The following SLCO1C1 variants were observed in gnomAD, a reference collection of about 807,000 sequenced individuals.
SLCO1C1 encodes OAT-RP-5.
Under a neutral mutation model 76.4 loss-of-function variants are expected in SLCO1C1, and 70 were observed. The ratio of observed to expected loss-of-function variants is 0.92; its 90% confidence interval spans 0.76 to 1.12. SLCO1C1 has a LOEUF of 1.12. SLCO1C1 is among the 50% of genes most tolerant of loss of function. SLCO1C1 has a pLI of 0.00. For synonymous variants in SLCO1C1, 306 were observed against 286.1 expected, an observed-to-expected ratio of 1.07 and a Z score of -0.70; for missense variants, 912 against 823.8, an observed-to-expected ratio of 1.11 and a Z score of -1.31.
At chr12:20,699,816 G>A (rs1946435108) in intron 2 of SLCO1C1, 111 bp downstream of exon 2, 3 of 1,073,032 alleles carry the variant, frequency 2.8e-6, no homozygotes, top group Non-Finnish European at 3.8e-6. Context: ...AAAAAAAAAA[G>A]ATCTTAGATG....
chr12:20,724,045 A>T (rs1947809506), intron 9 of SLCO1C1, among the ~76,000 whole-genome samples: 2 of 152,110 alleles, frequency 1.3e-5, no homozygotes, highest in Admixed American at 1.3e-4. Context: ...ATCTTGGGTA[A>T]TGGGCATATA....
chr12:20,743,548 T>C (rs1328006449), intron 13 of SLCO1C1, among the ~76,000 whole-genome samples, 179 bp downstream of exon 13: 3 of 152,204 alleles, frequency 2.0e-5, no homozygotes, highest in Non-Finnish European at 4.4e-5. Flanking sequence ...GACTCCTTTC[T>C]TCGTTACAGA....
chr12:20,735,084 A>G (rs771090703), intron 10 of SLCO1C1, among the ~76,000 whole-genome samples: 4 of 152,196 alleles, frequency 2.6e-5, no homozygotes, highest in Non-Finnish European at 5.9e-5. Context: ...TATCCCAATG[A>G]TTCCTGCCCC....
rs1286102996 is a variant in SLCO1C1, at chr12:20,705,946, A to G, written c.272-3A>G. 1.2e-6 allele frequency: 2 copies of G among 1,612,442 alleles called. No individual in the cohort carries two copies. Among genetic ancestry groups the G allele is most frequent in the Non-Finnish European group, 1.7e-6 (2 of 1,179,028 alleles). On this transcript the variant is annotated splice_region_variant and splice_polypyrimidine_tract_variant and intron_variant, in intron 3 of 14. Coordinates refer to ENST00000266509, the MANE Select transcript of SLCO1C1 (RefSeq NM_017435.5). ...TTATGATGTTTTATTCTTTTCCTCA[A>G]AGGGAATCTCTTAGTTATAACATTT...
intron 13 of SLCO1C1, among the ~76,000 whole-genome samples, chr12:20,748,783 C>T (rs1178862377): frequency 1.3e-5 from 2 of 151,840 alleles, no homozygotes; most frequent in South Asian, 4.2e-4. Flanking sequence ...TGAGTATGTC[C>T]AGGTAAAATA....
At chr12:20,748,049 T>C (rs934268025) in intron 13 of SLCO1C1, among the ~76,000 whole-genome samples, 1 of 152,344 alleles carries the variant, frequency 6.6e-6, no homozygotes, top group Middle Eastern at 3.4e-3. Flanking sequence ...CTGGTGATTC[T>C]TGCATCTTAA....
At chr12:20,749,453 A>G (rs1949193308) in intron 13 of SLCO1C1, among the ~76,000 whole-genome samples, 1 of 152,162 alleles carries the variant, frequency 6.6e-6, no homozygotes, top group South Asian at 2.1e-4. Flanking sequence ...ATGGTTCTTA[A>G]GAGAACTCAG....
intron 13 of SLCO1C1, among the ~76,000 whole-genome samples, chr12:20,747,219 G>A (rs1021413983): frequency 3.3e-5 from 5 of 152,130 alleles, no homozygotes; most frequent in South Asian, 4.1e-4. Flanking sequence ...GAGGCCAGGA[G>A]TTCGAGACCA....
chr12:20,749,842 T>A (rs1170544189), intron 13 of SLCO1C1, among the ~76,000 whole-genome samples: 3 of 152,194 alleles, frequency 2.0e-5, no homozygotes, highest in Non-Finnish European at 2.9e-5. Context: ...TTAATGCAGT[T>A]TAGTTTATCA....
At chr12:20,709,498 C>G (rs1837049976) in intron 4 of SLCO1C1, among the ~76,000 whole-genome samples, 1 of 152,138 alleles carries the variant, frequency 6.6e-6, no homozygotes, top group South Asian at 2.1e-4. Context: ...CTTGAAGCAT[C>G]ATAACAGTCA....
At chr12:20,697,490 T>A (rs2120579113) in intron 1 of SLCO1C1, 1 of 152,206 alleles carries the variant, frequency 6.6e-6, no homozygotes, top group African/African-American at 2.4e-5. Flanking sequence ...CCTGGCAAAA[T>A]ACTGTTCTAG....
chr12:20,728,897 T>A (rs1373238937), intron 9 of SLCO1C1, among the ~76,000 whole-genome samples: 1 of 152,118 alleles, frequency 6.6e-6, no homozygotes, highest in African/African-American at 2.4e-5. Context: ...AATATAATAA[T>A]AAATTAGCTC....
Position 20,695,520 on chromosome 12 carries a change from A to T in SLCO1C1, c.-313A>T, listed in dbSNP as rs1946228908. On this transcript the variant is annotated 5_prime_UTR_variant, in exon 1 of 15. Coordinates refer to ENST00000266509, the MANE Select transcript of SLCO1C1 (RefSeq NM_017435.5). ...TTCTGTGCCCTGGGAGCTGAGATGC[A>T]CGTCAGTGGCCTTGCCAGCGTGGCC... The T allele has an allele frequency of 6.6e-6, 1 of 152,198 alleles. No homozygotes were observed. 9.4% of individuals were successfully genotyped at this position (152,198 alleles called of 1,614,324 possible). A position where few individuals can be genotyped will look rare whatever the true frequency, so the allele number is the denominator to read the frequency against.
In SLCO1C1 at chr12:20,721,815, A is replaced by T. The variant is rs772752193; in HGVS notation, c.787A>T (p.Ile263Phe). 3 of 1,614,114 alleles carry T rather than the reference A, an allele frequency of 1.9e-6. No homozygotes were observed. The highest frequency in any genetic ancestry group is 2.5e-6 in the Non-Finnish European group (3 of 1,179,996). Residue 263 changes from isoleucine (I) to phenylalanine (F), a missense_variant, in exon 8 of 15, where the codon ATT becomes TTT. By Grantham distance (21) the Ile-to-Phe change is conservative. Transcript: ENST00000266509. ...IGFVNLDHIT[I>F]TPKDPQWVGA... is the part of the protein sequence containing the mutation. The stretch of plus-strand genomic sequence containing the variant: ...CCTCTGTCTTTCAGATCACATAACC[A>T]TTACCCCAAAAGATCCCCAGTGGGT...
intron 13 of SLCO1C1, among the ~76,000 whole-genome samples, chr12:20,749,344 T>G (rs931199208): frequency 3.3e-5 from 5 of 152,158 alleles, no homozygotes; most frequent in African/African-American, 1.2e-4. Flanking sequence ...GAGAAAGCTG[T>G]ATGGACTTGT....
chr12:20,721,934 C>T lies in SLCO1C1; in HGVS notation c.906C>T (p.Ser302=), dbSNP rs759567110. Residue 302 remains serine, a synonymous_variant, in exon 8 of 15, where the codon TCC becomes TCT. Coordinates refer to ENST00000266509, the MANE Select transcript of SLCO1C1 (RefSeq NM_017435.5). The part of the protein sequence containing the change: ...FWYLPKSLPR[S]QSREDSNSSS... ...ATTTACCAAAGAGTTTACCAAGATC[C>T]CAAAGTAGAGAGGATTCTAATTCTT... 2 of 1,613,978 alleles carry T rather than the reference C, an allele frequency of 1.2e-6. No homozygotes were observed. The highest frequency in any genetic ancestry group is 2.2e-5 in the South Asian group (2 of 91,070).
chr12:20,732,842 G>C, intron 9 of SLCO1C1, 67 bp from the exon 10 acceptor site: 1 of 1,524,736 alleles, frequency 6.6e-7, no homozygotes, highest in Admixed American at 1.8e-5. Context: ...TCTTTAGAAA[G>C]TTTGTGTTAG....
chr12:20,713,583 C>T (rs1395321380), intron 5 of SLCO1C1, among the ~76,000 whole-genome samples: 3 of 152,130 alleles, frequency 2.0e-5, no homozygotes, highest in Non-Finnish European at 4.4e-5. Context: ...AAGTCTGTTT[C>T]GTTAGACATA....
chr12:20,721,750 T>G, intron 7 of SLCO1C1, 54 bp from the exon 8 acceptor site: 7 of 1,563,564 alleles, frequency 4.5e-6, no homozygotes, highest in Non-Finnish European at 5.2e-6. Flanking sequence ...GTATATTATT[T>G]TAACATATTA....
Sources: allele counts gnomAD v4.1 joint callset (sites outside exome capture counted in the v4.1 genomes callset), GRCh38; gene constraint gnomAD v4.1.1; transcripts MANE v1.5; gene names NCBI Gene and HGNC (gene_info 2026-07-23, HGNC 2026-07-21).